The following CDC45 variants were observed in gnomAD, a reference collection of about 807,000 sequenced individuals.
CDC45 encodes the protein cell division control protein 45 homolog.
In CDC45, 54 loss-of-function variants were observed where a neutral mutation model predicts 77.8. That is an observed-to-expected ratio of 0.69 (90% CI 0.56 to 0.87). CDC45 has a LOEUF of 0.87. Ranked by LOEUF, CDC45 falls within the 40% of genes least tolerant of loss-of-function variation. CDC45 has a pLI of 0.00. For missense variants in CDC45, 649 were observed against 721.6 expected (o/e 0.90, Z 1.15); for synonymous variants, 260 against 272.1 (o/e 0.96, Z 0.44).
At chr22:19,499,204 G>A (rs1473353775) in intron 9 of CDC45, 53 bp downstream of exon 9, 2 of 1,573,838 alleles carry the variant, frequency 1.3e-6, no homozygotes, top group African/African-American at 2.7e-5. Flanking sequence ...GTGGCCAGGT[G>A]CACAGCCTGA....
chr22:19,485,978 A>G (rs1001934042), intron 5 of CDC45, among the ~76,000 whole-genome samples: 14 of 152,180 alleles, frequency 9.2e-5, no homozygotes, highest in African/African-American at 3.4e-4. Flanking sequence ...TTTTTTCTGT[A>G]TTATTTGAGA....
At chr22:19,483,781 G>T in intron 4 of CDC45, 81 bp from the exon 5 acceptor site, 1 of 1,324,962 alleles carries the variant, frequency 7.5e-7, no homozygotes. Flanking sequence ...ATTAGGAAAT[G>T]ATAAGATTCT....
At position 19,480,958 on chromosome 22, in the gene CDC45, G is replaced by A. The variant is rs751994955; in HGVS notation, c.117G>A (p.Leu39=). Reference sequence around the variant, plus strand: ...TGAAAACACTCTCTCTCCAGGCCTTGTTCCAGTGTGACCACGTGCAATATA... The same window carrying A: ...TGAAAACACTCTCTCTCCAGGCCTTATTCCAGTGTGACCACGTGCAATATA... ...ALCACKILQA[L]FQCDHVQYTL... is the part of the protein sequence containing the mutation. The change falls in exon 3 of 19, where the codon TTG becomes TTA. Residue 39 remains leucine (L), a synonymous_variant. Coordinates refer to ENST00000263201, the MANE Select transcript of CDC45 (RefSeq NM_003504.5). The A allele has an allele frequency of 1.7e-5, 28 of 1,609,440 alleles. No individual in the cohort carries two copies. The highest frequency in any genetic ancestry group is 1.6e-4 in the Middle Eastern group (1 of 6,074).
rs748790090 is a variant in CDC45 at position 19,516,800 on chromosome 22, G to A, written c.1560-17G>A. 2 of 1,613,454 alleles carry A rather than the reference G, an allele frequency of 1.2e-6. No individual in the cohort carries two copies. Among genetic ancestry groups the A allele is most frequent in the South Asian group, 1.1e-5 (1 of 91,068 alleles). ...TTGCAGGCCGCCTGGCCCCCGACAT[G>A]TCTTGTGTGTCAGCAGCTTTTTTGG... On this transcript the variant is annotated splice_polypyrimidine_tract_variant and intron_variant, in intron 16 of 18. Coordinates refer to ENST00000263201, the MANE Select transcript of CDC45 (RefSeq NM_003504.5).
At chr22:19,480,365 G>A in intron 2 of CDC45, 148 bp downstream of exon 2, 1 of 760,530 alleles carries the variant, frequency 1.3e-6, no homozygotes, top group Middle Eastern at 2.9e-4. Context: ...CAAGTGAGAG[G>A]AGAGAGACTC....
chr22:19,513,254 C>T (rs528475340), intron 13 of CDC45, among the ~76,000 whole-genome samples: 4 of 152,298 alleles, frequency 2.6e-5, no homozygotes, highest in East Asian at 1.9e-4. Flanking sequence ...TGTGCTTTTA[C>T]GTTTTCAAGA....
intron 3 of CDC45, among the ~76,000 whole-genome samples, chr22:19,481,860 C>T (rs1454338597): frequency 1.3e-5 from 2 of 152,066 alleles, no homozygotes; most frequent in East Asian, 1.9e-4. Flanking sequence ...CTAGTAGAGA[C>T]GGGGTTTCGC....
Position 19,499,689 on chromosome 22 carries a change from C to T in CDC45, c.704+538C>T, listed in dbSNP as rs141307573. On this transcript the variant is annotated intron_variant, in intron 9 of 18. Coordinates refer to ENST00000263201, the MANE Select transcript of CDC45 (RefSeq NM_003504.5). ...CTGACGGTGAGCTGCAAGGCTGCCT[C>T]AGAATGCAGATGCTGCAGGGCGAAG... Among the ~76,000 whole-genome samples the T allele has an allele frequency of 8.4e-4, 128 of 152,346 alleles. 2 individuals carry two copies. The East Asian group carries it at 0.02, about 24-fold the overall frequency.
At chr22:19,480,063 G>A (rs767368308) in intron 1 of CDC45, 44 bp downstream of exon 1, 4 of 1,612,748 alleles carry the variant, frequency 2.5e-6, no homozygotes, top group South Asian at 1.1e-5. Flanking sequence ...TGCCGGTGGG[G>A]AAGGGATGAG....
intron 4 of CDC45, 115 bp from the exon 5 acceptor site, chr22:19,483,747 A>T: frequency 2.0e-6 from 2 of 1,021,176 alleles, no homozygotes; most frequent in South Asian, 3.0e-5. Flanking sequence ...AGCTATTTGT[A>T]TGAACAGGAA....
At chr22:19,503,532 G>A (rs978079494) in intron 9 of CDC45, among the ~76,000 whole-genome samples, 7 of 152,148 alleles carry the variant, frequency 4.6e-5, no homozygotes, top group Admixed American at 4.6e-4. Flanking sequence ...AAAGTATATG[G>A]TCAACCTGAG....
At chr22:19,485,319 G>A (rs968217186) in intron 5 of CDC45, among the ~76,000 whole-genome samples, 1 of 152,172 alleles carries the variant, frequency 6.6e-6, no homozygotes, top group Non-Finnish European at 1.5e-5. Flanking sequence ...TGGGGTGCGG[G>A]TATGAGAGCA....
At chr22:19,504,831 G>A (rs890066456) in intron 9 of CDC45, among the ~76,000 whole-genome samples, 5 of 152,250 alleles carry the variant, frequency 3.3e-5, no homozygotes, top group Non-Finnish European at 5.9e-5. Flanking sequence ...TGTGATCTAC[G>A]GAGCAGTTAG....
At chr22:19,505,609 G>A in intron 10 of CDC45, 128 bp downstream of exon 10, 1 of 1,014,046 alleles carries the variant, frequency 9.9e-7, no homozygotes, top group Non-Finnish European at 1.5e-6. Context: ...AGGAAGTTTT[G>A]GGGGAAGGGG....
In CDC45 at chr22:19,507,372, G is replaced by T; in HGVS notation, c.825-14G>T. On this transcript the variant is annotated splice_polypyrimidine_tract_variant and intron_variant, in intron 10 of 18. Coordinates refer to ENST00000263201, the MANE Select transcript of CDC45 (RefSeq NM_003504.5). Reference sequence around the variant, plus strand: ...GCCAGTGGGTGCTTGCATGCTCCTTGACTGCAGGCCCAGCCTCCGCCTGGT... The same window carrying T: ...GCCAGTGGGTGCTTGCATGCTCCTTTACTGCAGGCCCAGCCTCCGCCTGGT... 1 of 1,613,128 alleles carries T rather than the reference G, an allele frequency of 6.2e-7. No individual in the cohort carries two copies. Among genetic ancestry groups the T allele is most frequent in the South Asian group, 1.1e-5 (1 of 91,048 alleles).
chr22:19,486,163 A>G (rs944726946), intron 5 of CDC45, among the ~76,000 whole-genome samples: 2 of 152,228 alleles, frequency 1.3e-5, no homozygotes, highest in Non-Finnish European at 2.9e-5. Context: ...CTAGGATTAC[A>G]GGCATGCACT....
chr22:19,487,872 C>G (rs551123963), intron 5 of CDC45, among the ~76,000 whole-genome samples: 1 of 136,098 alleles, frequency 7.3e-6, no homozygotes, highest in African/African-American at 2.7e-5. Context: ...AGATCCACCA[C>G]TGCACTCCAG....
intron 13 of CDC45, among the ~76,000 whole-genome samples, chr22:19,513,804 G>A (rs2146435786): frequency 6.6e-6 from 1 of 152,288 alleles, no homozygotes; most frequent in East Asian, 1.9e-4. Context: ...TCCCCCCACA[G>A]AAAACATCCG....
chr22:19,499,516 G>A (rs1000264335), intron 9 of CDC45, among the ~76,000 whole-genome samples: 5 of 152,228 alleles, frequency 3.3e-5, no homozygotes, highest in African/African-American at 9.6e-5. Context: ...GGTTGGGGGC[G>A]GGATGAGAGC....
Sources: gnomAD v4.1 joint callset for allele counts (sites outside exome capture counted in the v4.1 genomes callset) on GRCh38, gnomAD v4.1.1 for gene constraint, MANE v1.5 for transcripts, NCBI Gene and HGNC (gene_info 2026-07-23, HGNC 2026-07-21) for gene names.